The following CNTNAP2 variants were observed in gnomAD, a reference collection of about 807,000 sequenced individuals.
CNTNAP2 encodes contactin associated protein 2.
CNTNAP2 carries 98 observed loss-of-function variants against 155.2 expected under a neutral mutation model. The ratio of observed to expected loss-of-function variants is 0.63; its 90% CI spans 0.54 to 0.75. CNTNAP2 has a LOEUF of 0.75. Ranked by LOEUF, CNTNAP2 falls within the 30% of genes least tolerant of loss-of-function variation. CNTNAP2 has a pLI of 0.00. For missense variants in CNTNAP2, 1,727 were observed against 1,688.1 expected (o/e 1.02, Z -0.40); for synonymous variants, 651 against 631.2 (o/e 1.03, Z -0.47).
At chr7:146,320,000 C>T (rs1312789281) in intron 1 of CNTNAP2, among the ~76,000 whole-genome samples, 1 of 150,698 alleles carries the variant, frequency 6.6e-6, no homozygotes, top group Non-Finnish European at 1.5e-5. Context: ...CTGTCGCCCC[C>T]CCCACCCCAG....
chr7:147,033,160 G>GTATATATATATATA (rs3081742), intron 3 of CNTNAP2, among the ~76,000 whole-genome samples: 18 of 90,796 alleles, frequency 2.0e-4, no homozygotes, highest in East Asian at 3.3e-4. Flanking sequence ...ATATATATAT[G>GTATATATATATATA]TATATATATA....
At chr7:146,959,746 A>AT (rs959911887) in intron 3 of CNTNAP2, among the ~76,000 whole-genome samples, 1 of 151,926 alleles carries the variant, frequency 6.6e-6, no homozygotes, top group Admixed American at 6.6e-5. Flanking sequence ...AAGAAATAAG[A>AT]ATACGAACTG....
intron 14 of CNTNAP2, among the ~76,000 whole-genome samples, chr7:147,967,881 A>C (rs1320083814): frequency 6.6e-6 from 1 of 152,200 alleles, no homozygotes; most frequent in Non-Finnish European, 1.5e-5. Context: ...TTTCTAAAGA[A>C]ATAATAAGCC....
intron 14 of CNTNAP2, among the ~76,000 whole-genome samples, chr7:147,922,968 T>C (rs1400468205): frequency 7.2e-6 from 1 of 139,108 alleles, no homozygotes; most frequent in African/African-American, 2.5e-5. Flanking sequence ...GTTATAGGAG[T>C]TTCCAGCAAG....
At chr7:146,358,582 G>GA (rs1161924403) in intron 1 of CNTNAP2, among the ~76,000 whole-genome samples, 2 of 152,172 alleles carry the variant, frequency 1.3e-5, no homozygotes, top group Non-Finnish European at 1.5e-5. Flanking sequence ...GCTGGATTAT[G>GA]AAGGTTGAGG....
chr7:147,977,609 A>G (rs1347228266), intron 14 of CNTNAP2, among the ~76,000 whole-genome samples: 1 of 152,160 alleles, frequency 6.6e-6, no homozygotes, highest in Non-Finnish European at 1.5e-5. Context: ...ACGCAGCATA[A>G]TGGTTGTGAA....
chr7:146,694,862 G>A (rs1800755913), intron 1 of CNTNAP2, among the ~76,000 whole-genome samples: 1 of 152,062 alleles, frequency 6.6e-6, no homozygotes, highest in Non-Finnish European at 1.5e-5. Context: ...TAATGTGAAT[G>A]ATTTTATATT....
intron 3 of CNTNAP2, among the ~76,000 whole-genome samples, chr7:146,887,230 A>T (rs533095675): frequency 6.6e-6 from 1 of 151,830 alleles, no homozygotes; most frequent in Non-Finnish European, 1.5e-5. Flanking sequence ...GCTCACTGCA[A>T]ACTCGCCTCC....
intron 10 of CNTNAP2, among the ~76,000 whole-genome samples, chr7:147,437,029 G>C (rs950700508): frequency 1.3e-5 from 2 of 151,936 alleles, no homozygotes; most frequent in African/African-American, 4.8e-5. Context: ...TCAGGAGGAA[G>C]CCTGTATAAA....
chr7:148,160,094 G>T (rs1046118197), intron 17 of CNTNAP2, among the ~76,000 whole-genome samples: 3 of 152,110 alleles, frequency 2.0e-5, no homozygotes, highest in Non-Finnish European at 4.4e-5. Flanking sequence ...ACAAAAATTG[G>T]CTGGATGTGG....
At chr7:146,784,118 G>A (rs546160017) in intron 2 of CNTNAP2, among the ~76,000 whole-genome samples, 6 of 152,234 alleles carry the variant, frequency 3.9e-5, no homozygotes, top group African/African-American at 1.2e-4. Flanking sequence ...AGATAAAAGA[G>A]TTTTTCAATT....
intron 10 of CNTNAP2, among the ~76,000 whole-genome samples, chr7:147,400,873 A>G (rs945358064): frequency 9.9e-5 from 15 of 152,222 alleles, no homozygotes; most frequent in African/African-American, 3.4e-4. Flanking sequence ...CTAAGTAATT[A>G]TGAATTAAGT....
At chr7:147,167,570 T>C (rs2116468271) in intron 8 of CNTNAP2, 2 of 789,424 alleles carry the variant, frequency 2.5e-6, no homozygotes, top group East Asian at 2.8e-5. Context: ...ATGACGATGA[T>C]GACCTGTGAG....
chr7:146,401,537 C>T (rs1584907997), intron 1 of CNTNAP2, among the ~76,000 whole-genome samples: 1 of 152,088 alleles, frequency 6.6e-6, no homozygotes, highest in Non-Finnish European at 1.5e-5. Flanking sequence ...AACACTTGTA[C>T]TGTAGTTGAT....
At chr7:146,649,106 A>T (rs921119766) in intron 1 of CNTNAP2, among the ~76,000 whole-genome samples, 23 of 152,150 alleles carry the variant, frequency 1.5e-4, no homozygotes, top group African/African-American at 4.8e-4. Flanking sequence ...ACATTGCCAA[A>T]TGAAAATTTG....
At chr7:146,629,073 C>T (rs1799467273) in intron 1 of CNTNAP2, among the ~76,000 whole-genome samples, 1 of 152,082 alleles carries the variant, frequency 6.6e-6, no homozygotes, top group Admixed American at 6.6e-5. Flanking sequence ...ACAATACATG[C>T]TTTTGACTAA....
chr7:148,093,045 C>G (rs1157481671), intron 15 of CNTNAP2, among the ~76,000 whole-genome samples: 1 of 151,904 alleles, frequency 6.6e-6, no homozygotes, highest in Non-Finnish European at 1.5e-5. Flanking sequence ...AATGATGCTC[C>G]TTTATAATAT....
intron 9 of CNTNAP2, among the ~76,000 whole-genome samples, chr7:147,374,534 A>C (rs1796402619): frequency 6.6e-6 from 1 of 152,088 alleles, no homozygotes; most frequent in Admixed American, 6.6e-5. Context: ...CTAGGTTATC[A>C]ATGCCTGTGC....
intron 13 of CNTNAP2, among the ~76,000 whole-genome samples, chr7:147,824,778 T>C (rs1227482449): frequency 6.6e-6 from 1 of 152,082 alleles, no homozygotes; most frequent in Non-Finnish European, 1.5e-5. Context: ...ATTTAAGAAG[T>C]AAGAGAAGTG....
Sources: gnomAD v4.1 joint callset for allele counts (sites outside exome capture counted in the v4.1 genomes callset) on GRCh38, gnomAD v4.1.1 for gene constraint, MANE v1.5 for transcripts, NCBI Gene and HGNC (gene_info 2026-07-23, HGNC 2026-07-21) for gene names.